The following JAG1 variants were observed in gnomAD, a reference collection of about 807,000 sequenced individuals.
The protein encoded by JAG1 is jagged canonical Notch ligand 1, also known as protein jagged-1.
Under a neutral mutation model 148.7 loss-of-function variants are expected in JAG1, and 23 were observed. The ratio of observed to expected loss-of-function variants is 0.15; its 90% CI spans 0.11 to 0.22. JAG1 has a LOEUF of 0.22. Ranked by LOEUF, JAG1 falls within the 10% of genes least tolerant of loss-of-function variation. JAG1 has a pLI of 1.00. For missense variants in JAG1, 1,054 were observed against 1,611.2 expected, an observed-to-expected ratio of 0.65 and a Z score of 5.92; for synonymous variants, 572 against 598.3, an observed-to-expected ratio of 0.96 and a Z score of 0.64.
At chr20:10,642,849 G>C (rs1300428307) in intron 20 of JAG1, among the ~76,000 whole-genome samples, 2 of 152,196 alleles carry the variant, frequency 1.3e-5, no homozygotes, top group African/African-American at 4.8e-5. Context: ...TTTTTAATTT[G>C]ATTCCTTTGA....
chr20:10,669,547 CAAAAAAAAAAAAAAAAAAAAAAA>C (rs56122797), intron 2 of JAG1, among the ~76,000 whole-genome samples: 8,929 of 44,338 alleles, frequency 0.2, 634 homozygotes, highest in Middle Eastern at 0.43. Flanking sequence ...TTGGATTTTC[CAAAAAAAAAAAAAAAAAAAAAAA>C]AAAAAAAAAA....
At chr20:10,668,683 T>C (rs1330702444) in intron 2 of JAG1, among the ~76,000 whole-genome samples, 1 of 152,086 alleles carries the variant, frequency 6.6e-6, no homozygotes, top group Admixed American at 6.5e-5. Flanking sequence ...TTTTTTTTTT[T>C]TAAGTAACTT....
At position 10,649,022 on chromosome 20, in the gene JAG1, C is replaced by G. The variant is rs750620640; in HGVS notation, c.1395+39G>C. On this transcript the variant is annotated intron_variant, in intron 11 of 25. Transcript: ENST00000254958. ...TCGCACAAATCTAAAGATTTGTTGT[C>G]AATTGTCAAAGTTTTGATTTAAGCA... 6 of 1,521,326 alleles carry G rather than the reference C, an allele frequency of 3.9e-6. No homozygotes were observed. In the South Asian group the frequency reaches 6.7e-5, roughly 17 times the overall value. 94.2% of individuals were successfully genotyped at this position (1,521,326 alleles called of 1,614,324 possible). A position where few individuals can be genotyped will look rare whatever the true frequency, so the allele number is the denominator to read the frequency against.
chr20:10,640,214 C>CT (rs1351905697), intron 25 of JAG1, among the ~76,000 whole-genome samples: 1 of 152,232 alleles, frequency 6.6e-6, no homozygotes, highest in Non-Finnish European at 1.5e-5. Context: ...GGCTCTTTGA[C>CT]TTCGCATGGG....
chr20:10,659,900 C>T (rs972882133), intron 3 of JAG1, among the ~76,000 whole-genome samples: 16 of 152,160 alleles, frequency 1.1e-4, no homozygotes, highest in African/African-American at 2.9e-4. Flanking sequence ...ATAGCTCAAA[C>T]ATCAGGTGCC....
rs1018632242 is a variant in JAG1 at position 10,673,480 on chromosome 20, C to A, written c.51G>T (p.Leu17=). ...CTCGCAGGGCACAGAGCAGGGCGAG[C>A]AGGAGGCTTAGGGGGCGCCCGGACC... is the stretch of plus-strand genomic sequence containing the variant. ...RGRSGRPLSL[L]LALLCALRAK... Residue 17 remains leucine, a synonymous_variant, in exon 1 of 26, where the codon CTG becomes CTT. Transcript: ENST00000254958. The surrounding 1 kb of genome is among the most constrained non-coding windows in gnomAD (Gnocchi z 4.7). The A allele has an allele frequency of 1.5e-6, 2 of 1,363,790 alleles. No individual in the cohort carries two copies. 84.5% of individuals were successfully genotyped at this position (1,363,790 alleles called of 1,614,324 possible).
At position 10,647,328 on chromosome 20, in the gene JAG1, C is replaced by T. The variant is rs1359524895; in HGVS notation, c.1721-225G>A. 7.0e-6 allele frequency: 4 copies of T among 570,890 alleles called. No homozygotes were observed. In the African/African-American group the frequency reaches 7.5e-5, roughly 11 times the overall value. The allele number at this position is 570,890 out of a possible 1,614,324, so 35.4% of individuals were successfully genotyped here. ...TAAAGCATTTTCTCCCTCCACACAA[C>T]CAGGAAAACCCACATGCTTGTGGAT... On this transcript the variant is annotated intron_variant, in intron 13 of 25. Coordinates refer to ENST00000254958, the MANE Select transcript of JAG1 (RefSeq NM_000214.3).
chr20:10,640,717 C>T, intron 25 of JAG1, 66 bp downstream of exon 25: 1 of 1,539,872 alleles, frequency 6.5e-7, no homozygotes, highest in Non-Finnish European at 9.0e-7. Flanking sequence ...GACCTGATGG[C>T]TTTATTGAAT....
intron 11 of JAG1, 145 bp from the exon 12 acceptor site, chr20:10,648,867 G>T: frequency 1.0e-6 from 1 of 960,524 alleles, no homozygotes; most frequent in Non-Finnish European, 1.6e-6. Flanking sequence ...AGTGGTTAGA[G>T]GAATTTCTAT....
In JAG1 at chr20:10,654,043, C is replaced by T. The variant is rs184666182; in HGVS notation, c.756-1445G>A. ...ATAATTTCTCAAAAGCGGACACCCA[C>T]GTTAGTGGGAGGTAAGGGTGTAGCC... is the stretch of plus-strand genomic sequence containing the variant. On this transcript the variant is annotated intron_variant, in intron 5 of 25. Coordinates refer to ENST00000254958, the MANE Select transcript of JAG1 (RefSeq NM_000214.3). Among the ~76,000 whole-genome samples the T allele has an allele frequency of 5.9e-5, 9 of 152,334 alleles. No homozygotes were observed. In the East Asian group the frequency reaches 1.2e-3, roughly 20 times the overall value.
Position 10,639,543 on chromosome 20 carries a change from G to A in JAG1, c.3612C>T (p.Asp1204=), listed in dbSNP as rs2067255313. ...GGTTTAAGCTCTGGGCACTTTCCAA[G>A]TCTCTGTTGTCCTGTTTGTTTGTCC... ...PNWTNKQDNR[D]LESAQSLNRM... The change falls in exon 26 of 26, where the codon GAC becomes GAT. Residue 1204 remains aspartate, a synonymous_variant. Coordinates refer to ENST00000254958, the MANE Select transcript of JAG1 (RefSeq NM_000214.3). 1 of 1,614,204 alleles carries A rather than the reference G, an allele frequency of 6.2e-7. No homozygotes were observed. The highest frequency in any genetic ancestry group is 8.5e-7 in the Non-Finnish European group (1 of 1,180,048).
chr20:10,657,363 A>C (rs892913952), intron 4 of JAG1, among the ~76,000 whole-genome samples: 4 of 151,696 alleles, frequency 2.6e-5, no homozygotes, highest in Non-Finnish European at 5.9e-5. Context: ...AAAAAAAAAA[A>C]AACACCAAAC....
At chr20:10,665,981 G>C (rs1468661508) in intron 2 of JAG1, among the ~76,000 whole-genome samples, 4 of 152,166 alleles carry the variant, frequency 2.6e-5, no homozygotes, top group African/African-American at 9.7e-5. Context: ...GGAGAGAAAA[G>C]AATTGCACAC....
Position 10,642,595 on chromosome 20 carries a change from T to C in JAG1, c.2465A>G (p.Asn822Ser). The change falls in exon 21 of 26, where the codon AAT (asparagine) becomes AGT (serine). Residue 822 changes from asparagine to serine, a missense_variant. By Grantham distance (46) the Asn-to-Ser change is conservative. Around this residue, in one of 6 missense-constraint regions of JAG1, gnomAD observed 342 missense variants for 514.6 expected, o/e 0.66. Coordinates refer to ENST00000254958, the MANE Select transcript of JAG1 (RefSeq NM_000214.3). Reference sequence around the variant, plus strand: ...GGCACAAGGTGAAGACTGGCATTCATTGATGTCTAGGAGAAATGGAGTTCA... The same window carrying C: ...GGCACAAGGTGAAGACTGGCATTCACTGATGTCTAGGAGAAATGGAGTTCA... The part of the protein sequence containing the change: ...FAGPDCRINI[N>S]ECQSSPCAFG... The C allele has an allele frequency of 1.2e-6, 2 of 1,602,796 alleles. No individual in the cohort carries two copies. The highest frequency in any genetic ancestry group is 1.7e-6 in the Non-Finnish European group (2 of 1,169,688).
intron 25 of JAG1, 106 bp downstream of exon 25, chr20:10,640,677 C>G: frequency 5.7e-6 from 7 of 1,218,980 alleles, no homozygotes; most frequent in Non-Finnish European, 8.5e-6. Context: ...GGAGCTCCTG[C>G]GAGGGTAGGG....
intron 5 of JAG1, 21 bp from the exon 6 acceptor site, chr20:10,652,619 T>C: frequency 6.2e-7 from 1 of 1,613,258 alleles, no homozygotes; most frequent in Non-Finnish European, 8.5e-7. Context: ...ACAGCACACC[T>C]CCAGGTTAGC....
At chr20:10,642,462 G>C (rs2067279294) in intron 21 of JAG1, 26 bp downstream of exon 21, 3 of 1,366,886 alleles carry the variant, frequency 2.2e-6, no homozygotes, top group East Asian at 4.6e-5. Context: ...GAAGACCCAT[G>C]GGCAGCTGAA....
chr20:10,647,178 C>G (rs2067315324), intron 13 of JAG1, 75 bp from the exon 14 acceptor site: 1 of 1,572,408 alleles, frequency 6.4e-7, no homozygotes. Flanking sequence ...GGGCCTGGGC[C>G]AAGCCCACTT....
intron 5 of JAG1, 113 bp downstream of exon 5, chr20:10,656,285 A>G (rs187074802): frequency 1.2e-6 from 1 of 862,380 alleles, no homozygotes; most frequent in Non-Finnish European, 1.9e-6. Context: ...TTTTTTTTTT[A>G]AAAAAGCTTT....
Sources: allele counts gnomAD v4.1 joint callset (sites outside exome capture counted in the v4.1 genomes callset), GRCh38; gene constraint gnomAD v4.1.1; regional missense constraint gnomAD v4.1.1; non-coding constraint Gnocchi (gnomAD v3.1); transcripts MANE v1.5; gene names NCBI Gene and HGNC (gene_info 2026-07-23, HGNC 2026-07-21).